The following SCMH1 variants were observed in gnomAD, a reference collection of about 807,000 sequenced individuals.
The protein encoded by SCMH1 is polycomb protein SCMH1.
A neutral mutation model predicts 70.8 loss-of-function variants in SCMH1; 37 were observed. That is an observed-to-expected ratio of 0.52 (90% CI 0.40 to 0.69). The LOEUF is 0.69. Among genes scored for constraint, SCMH1 ranks in the 30% least tolerant of loss-of-function variants. The pLI, the probability that SCMH1 is intolerant of heterozygous loss-of-function variation, is 0.00. For missense variants in SCMH1, 607 were observed against 827.3 expected (o/e 0.73, Z 3.27); for synonymous variants, 292 against 307.4 (o/e 0.95, Z 0.52).
At chr1:41,160,084 C>T (rs777104429) in intron 4 of SCMH1, among the ~76,000 whole-genome samples, 6 of 152,096 alleles carry the variant, frequency 3.9e-5, no homozygotes, top group Non-Finnish European at 5.9e-5. Flanking sequence ...TTCATGTTAT[C>T]TTCTGTGTCA....
chr1:41,152,367 G>C (rs1284239729), intron 4 of SCMH1, among the ~76,000 whole-genome samples: 2 of 152,178 alleles, frequency 1.3e-5, no homozygotes, highest in Admixed American at 1.3e-4. Context: ...TAGTAAATAA[G>C]AACAAGCTGG....
At chr1:41,147,833 G>A (rs764435811) in intron 5 of SCMH1, among the ~76,000 whole-genome samples, 32 of 151,964 alleles carry the variant, frequency 2.1e-4, no homozygotes, top group Non-Finnish European at 4.0e-4. Flanking sequence ...ATGTCAGCAT[G>A]GTACATCATC....
At chr1:41,107,983 A>C (rs931546230) in intron 8 of SCMH1, among the ~76,000 whole-genome samples, 2 of 152,222 alleles carry the variant, frequency 1.3e-5, no homozygotes, top group Non-Finnish European at 2.9e-5. Context: ...TCTAAGCATC[A>C]AATTATTACC....
intron 6 of SCMH1, among the ~76,000 whole-genome samples, chr1:41,117,357 C>T (rs929958410): frequency 1.3e-5 from 2 of 151,500 alleles, no homozygotes; most frequent in Admixed American, 6.6e-5. Context: ...CTGTTATGCC[C>T]GGACAGGGCC....
At chr1:41,233,276 C>T (rs1299160346) in intron 1 of SCMH1, among the ~76,000 whole-genome samples, 3 of 152,068 alleles carry the variant, frequency 2.0e-5, no homozygotes, top group Non-Finnish European at 4.4e-5. Flanking sequence ...TCTCTTTCAC[C>T]TTCTTGTCTA....
chr1:41,076,402 T>G (rs947511029), intron 8 of SCMH1, among the ~76,000 whole-genome samples: 93 of 152,320 alleles, frequency 6.1e-4, no homozygotes, highest in African/African-American at 2.0e-3. Flanking sequence ...AAGGGATATC[T>G]AAGACATCCT....
At chr1:41,031,560 A>T (rs2148508313) in intron 13 of SCMH1, among the ~76,000 whole-genome samples, 1 of 152,314 alleles carries the variant, frequency 6.6e-6, no homozygotes, top group East Asian at 1.9e-4. Context: ...TAGAGCCAGC[A>T]GGGGCTGCTT....
intron 6 of SCMH1, among the ~76,000 whole-genome samples, chr1:41,135,314 C>G (rs1026291392): frequency 3.3e-5 from 5 of 152,120 alleles, no homozygotes. Flanking sequence ...CACCCAAATC[C>G]TCATCTTGAA....
chr1:41,097,939 C>G (rs1386280995), intron 8 of SCMH1, among the ~76,000 whole-genome samples: 1 of 152,176 alleles, frequency 6.6e-6, no homozygotes, highest in Non-Finnish European at 1.5e-5. Flanking sequence ...GACATAGTCT[C>G]TGTGCTTAAG....
chr1:41,133,280 G>A (rs940392847), intron 6 of SCMH1, among the ~76,000 whole-genome samples: 13 of 152,024 alleles, frequency 8.6e-5, no homozygotes, highest in African/African-American at 2.9e-4. Context: ...GGATTCCTAG[G>A]TATTTTATTC....
intron 4 of SCMH1, among the ~76,000 whole-genome samples, chr1:41,151,983 C>G (rs1433654378): frequency 6.6e-6 from 1 of 152,060 alleles, no homozygotes; most frequent in Non-Finnish European, 1.5e-5. Context: ...AAGAAGTGAC[C>G]AGGAAGCTAA....
intron 1 of SCMH1, among the ~76,000 whole-genome samples, chr1:41,193,396 G>T (rs1473356533): frequency 1.3e-5 from 2 of 152,064 alleles, no homozygotes; most frequent in Non-Finnish European, 2.9e-5. Context: ...TGCTCACAAA[G>T]AACTCACAGA....
At chr1:41,161,393 T>A (rs1646018738) in exon 3 of SCMH1, 2 of 1,550,458 alleles carry the variant, frequency 1.3e-6, no homozygotes, top group Non-Finnish European at 1.7e-6. Flanking sequence ...CTCTGATAGG[T>A]GACCATATTT....
intron 10 of SCMH1, among the ~76,000 whole-genome samples, chr1:41,051,277 C>A (rs1648032882): frequency 1.3e-5 from 2 of 152,120 alleles, no homozygotes; most frequent in South Asian, 4.1e-4. Flanking sequence ...TACTACACTG[C>A]CAGGCATATA....
In SCMH1 at chr1:41,116,905, T is replaced by C. The variant is rs1670606221; in HGVS notation, c.501+17A>G. The stretch of plus-strand genomic sequence containing the variant: ...CTTAAGCAGCCTGGAGCTGGTGATA[T>C]CTGAGGGATAGCCTACCTTGTGGAA... On this transcript the variant is annotated intron_variant, in intron 7 of 14. Transcript: ENST00000337495. 2.5e-6 allele frequency: 4 copies of C among 1,589,772 alleles called. No individual in the cohort carries two copies. In the Admixed American group the frequency reaches 5.2e-5, roughly 21 times the overall value.
rs1669652897 is a variant in SCMH1, at chr1:41,113,217, A to C, written c.745+66T>G. On this transcript the variant is annotated intron_variant, in intron 8 of 14. Transcript: ENST00000337495. This position sits in a 1 kb window ranked among gnomAD's most constrained non-coding sequence, Gnocchi z 4.3. ...GTATACTGGTGAAGATATGATCATGACAGCCCTGGGTAGTCTCCCTTATCA... is the reference window on the plus strand; with the variant it reads ...GTATACTGGTGAAGATATGATCATGCCAGCCCTGGGTAGTCTCCCTTATCA... The C allele has an allele frequency of 1.3e-6, 2 of 1,558,014 alleles. No individual in the cohort carries two copies. Among genetic ancestry groups the C allele is most frequent in the Non-Finnish European group, 8.7e-7 (1 of 1,152,848 alleles).
chr1:41,090,475 G>A (rs576686692), intron 8 of SCMH1, among the ~76,000 whole-genome samples: 1 of 151,922 alleles, frequency 6.6e-6, no homozygotes, highest in African/African-American at 2.4e-5. Flanking sequence ...CTGGAAAAGG[G>A]AGGAGTACTG....
Position 41,032,133 on chromosome 1 carries a change from A to G in SCMH1, c.1679-3407T>C, listed in dbSNP as rs536127766. 5.3e-5 allele frequency among the ~76,000 whole-genome samples: 8 copies of G among 152,324 alleles called. No homozygotes were observed. The East Asian group carries it at 1.5e-3, about 29-fold the overall frequency. ...CTGGTGCCTTGATCTTGGACTTCCC[A>G]GTCTTCAGGACTGTGAGAAATAAAT... On this transcript the variant is annotated intron_variant, in intron 13 of 14. Coordinates refer to ENST00000337495, the Ensembl canonical transcript of SCMH1.
At chr1:41,171,950 G>T (rs1453845428) in intron 2 of SCMH1, among the ~76,000 whole-genome samples, 1 of 152,146 alleles carries the variant, frequency 6.6e-6, no homozygotes, top group Non-Finnish European at 1.5e-5. Context: ...CCAGCACTTT[G>T]GGAGGGTGAG....
Sources: gnomAD v4.1 joint callset for allele counts (sites outside exome capture counted in the v4.1 genomes callset) on GRCh38, gnomAD v4.1.1 for gene constraint, Gnocchi (gnomAD v3.1) non-coding constraint, MANE v1.5 for transcripts, NCBI Gene and HGNC (gene_info 2026-07-23, HGNC 2026-07-21) for gene names.